The following PIP4K2A variants were observed in gnomAD, a reference collection of about 807,000 sequenced individuals.
PIP4K2A encodes phosphatidylinositol-5-phosphate 4-kinase type 2 alpha.
Under a neutral mutation model 42.9 loss-of-function variants are expected in PIP4K2A, and 14 were observed. The observed-to-expected ratio is 0.33, with a 90% CI of 0.22 to 0.51. The LOEUF (loss-of-function observed/expected upper bound fraction) is 0.51. Ranked by LOEUF, PIP4K2A falls within the 20% of genes least tolerant of loss-of-function variation. The probability of loss-of-function intolerance (pLI) is 0.97; values close to 1 mark genes in which losing one functional copy is unlikely to be tolerated. For missense variants in PIP4K2A, 434 were observed against 519.8 expected (o/e 0.83, Z 1.61); for synonymous variants, 192 against 192.2 (o/e 1.00, Z 0.01).
At chr10:22,601,141 A>AAC (rs1837760066) in intron 3 of PIP4K2A, among the ~76,000 whole-genome samples, 1 of 125,606 alleles carries the variant, frequency 8.0e-6, no homozygotes, top group Non-Finnish European at 1.7e-5. Context: ...AAAAAAAAAA[A>AAC]AAAAAAAAAA....
At chr10:22,608,706 T>C (rs1373390322) in intron 2 of PIP4K2A, among the ~76,000 whole-genome samples, 1 of 151,980 alleles carries the variant, frequency 6.6e-6, no homozygotes, top group African/African-American at 2.4e-5. Context: ...ACCCCTGTCT[T>C]TACAAAAAGT....
At chr10:22,601,120 G>A (rs1467923517) in intron 3 of PIP4K2A, among the ~76,000 whole-genome samples, 1 of 96,326 alleles carries the variant, frequency 1.0e-5, no homozygotes, top group Non-Finnish European at 2.0e-5. Flanking sequence ...GCAACAGAGC[G>A]AGACTGTCTC....
intron 1 of PIP4K2A, among the ~76,000 whole-genome samples, chr10:22,642,401 G>A (rs1370102096): frequency 1.3e-5 from 2 of 151,930 alleles, no homozygotes; most frequent in African/African-American, 4.8e-5. Flanking sequence ...AGGATAGGCT[G>A]GAAAAATCAA....
chr10:22,564,303 C>T (rs1420183084), intron 6 of PIP4K2A, among the ~76,000 whole-genome samples: 1 of 152,168 alleles, frequency 6.6e-6, no homozygotes, highest in African/African-American at 2.4e-5. Flanking sequence ...TGTAACTGTC[C>T]TTGTTGGCAG....
chr10:22,645,377 C>G (rs527949328), intron 1 of PIP4K2A, among the ~76,000 whole-genome samples: 4 of 152,076 alleles, frequency 2.6e-5, no homozygotes, highest in African/African-American at 9.6e-5. Flanking sequence ...GAGACCCTGT[C>G]TCTACAAAAC....
intron 8 of PIP4K2A, among the ~76,000 whole-genome samples, 159 bp from the exon 9 acceptor site, chr10:22,540,233 G>A (rs908884305): frequency 1.3e-4 from 20 of 152,018 alleles, no homozygotes; most frequent in African/African-American, 3.4e-4. Context: ...CCACCCCTGC[G>A]GATCCTGACT....
chr10:22,709,122 A>G lies in PIP4K2A; in HGVS notation c.144+5061T>C, dbSNP rs200483904. Among the ~76,000 whole-genome samples the G allele has an allele frequency of 5.7e-5, 8 of 140,988 alleles. No individual in the cohort carries two copies. The South Asian group carries it at 6.3e-4, about 11-fold the overall frequency. 92.5% of individuals were successfully genotyped at this position (140,988 alleles called of 152,430 possible). ...TTTAGCAGACTTTTTTTTTTTTTTT[A>G]AAAGTCCCCGATTGATAAACACCTT... is the stretch of plus-strand genomic sequence containing the variant. On this transcript the variant is annotated intron_variant, in intron 1 of 9. Transcript: ENST00000376573.
In PIP4K2A at chr10:22,540,016, A is replaced by T; in HGVS notation, c.1095T>A (p.Asp365Glu). ...CAGCATGGGCAGCTTTCTTTTTTGC[A>T]TCATAATGAGTAAGGATGTCAATAA... is the stretch of plus-strand genomic sequence containing the variant. Reference protein sequence around the residue: ...MAIIDILTHYDAKKKAAHAAK... With the variant: ...MAIIDILTHYEAKKKAAHAAK... The change falls in exon 9 of 10, where the codon GAT becomes GAA. Residue 365 changes from aspartate (D) to glutamate (E), a missense_variant. Asp to Glu is a conservative substitution (Grantham distance 45). Transcript: ENST00000376573. 6.2e-7 allele frequency: 1 copy of T among 1,613,262 alleles called. No individual in the cohort carries two copies. The highest frequency in any genetic ancestry group is 8.5e-7 in the Non-Finnish European group (1 of 1,179,240).
chr10:22,559,211 A>G lies in PIP4K2A; in HGVS notation c.679-8439T>C, dbSNP rs533560517. Among the ~76,000 whole-genome samples, 3 of 152,340 alleles carry G rather than the reference A, an allele frequency of 2.0e-5. No homozygotes were observed. In the East Asian group the frequency reaches 5.8e-4, roughly 29 times the overall value. Reference sequence around the variant, plus strand: ...CCATGTTAAAGATCATTATTTAATTAAGAATTACACATCTGTAGCAGCTTG... The same window carrying G: ...CCATGTTAAAGATCATTATTTAATTGAGAATTACACATCTGTAGCAGCTTG... On this transcript the variant is annotated intron_variant, in intron 6 of 9. Transcript: ENST00000376573.
In PIP4K2A at chr10:22,688,386, C is replaced by A. The variant is rs114927131; in HGVS notation, c.144+25797G>T. On this transcript the variant is annotated intron_variant, in intron 1 of 9. Coordinates refer to ENST00000376573, the MANE Select transcript of PIP4K2A (RefSeq NM_005028.5). Reference sequence around the variant, plus strand: ...AGTTAAGAACCATTTACAGAATTTCCTTACGTGGTTCTTTGATAGTAGTGA... The same window carrying A: ...AGTTAAGAACCATTTACAGAATTTCATTACGTGGTTCTTTGATAGTAGTGA... 1.6e-3 allele frequency among the ~76,000 whole-genome samples: 251 copies of A among 152,310 alleles called. 2 individuals are homozygous for A. Among genetic ancestry groups the A allele is most frequent in the African/African-American group, 5.8e-3 (241 of 41,564 alleles).
rs565482677 is a variant in PIP4K2A, at chr10:22,623,844, T to G, written c.145-14127A>C. On this transcript the variant is annotated intron_variant, in intron 1 of 9. Transcript: ENST00000376573. ...AGAAGCCACGTGGCAGGCCTAAGAC[T>G]GAGCCCTGAGCTCCCAGGGTTCTCG... Among the ~76,000 whole-genome samples the G allele has an allele frequency of 7.9e-5, 12 of 152,346 alleles. No individual in the cohort carries two copies. The South Asian group carries it at 2.5e-3, about 32-fold the overall frequency.
At chr10:22,628,408 G>A (rs1020838824) in intron 1 of PIP4K2A, among the ~76,000 whole-genome samples, 4 of 152,130 alleles carry the variant, frequency 2.6e-5, no homozygotes, top group African/African-American at 9.7e-5. Flanking sequence ...AGAAAAAATT[G>A]TACCCTAAAT....
chr10:22,596,033 C>G (rs1268986521), intron 3 of PIP4K2A, among the ~76,000 whole-genome samples: 1 of 151,364 alleles, frequency 6.6e-6, no homozygotes, highest in East Asian at 2.0e-4. Flanking sequence ...TGGAGAAGCC[C>G]CGTCTCTACT....
At chr10:22,546,994 C>T (rs10828315) in intron 7 of PIP4K2A, among the ~76,000 whole-genome samples, 2 of 151,970 alleles carry the variant, frequency 1.3e-5, no homozygotes, top group African/African-American at 2.4e-5. Context: ...CTGGACCTCA[C>T]ATCTGCCTCT....
intron 1 of PIP4K2A, among the ~76,000 whole-genome samples, chr10:22,662,717 T>C (rs1475863771): frequency 6.6e-6 from 1 of 151,932 alleles, no homozygotes; most frequent in African/African-American, 2.4e-5. Context: ...AATGGAGAAA[T>C]ATATTAGCAC....
intron 1 of PIP4K2A, among the ~76,000 whole-genome samples, chr10:22,713,549 G>A (rs567173074): frequency 6.6e-6 from 1 of 152,362 alleles, no homozygotes; most frequent in East Asian, 1.9e-4. Context: ...CGACGCCAGA[G>A]CCATATTTAC....
chr10:22,615,266 T>C (rs1203900699), intron 1 of PIP4K2A, among the ~76,000 whole-genome samples: 1 of 152,144 alleles, frequency 6.6e-6, no homozygotes, highest in Non-Finnish European at 1.5e-5. Flanking sequence ...CCACCATGCA[T>C]GGCTAATTTT....
At chr10:22,612,209 C>T (rs917908306) in intron 1 of PIP4K2A, among the ~76,000 whole-genome samples, 2 of 152,358 alleles carry the variant, frequency 1.3e-5, no homozygotes, top group South Asian at 4.1e-4. Flanking sequence ...AGCTCGGACA[C>T]CAGTCTTTGT....
chr10:22,547,604 T>C (rs1836288581), intron 7 of PIP4K2A, among the ~76,000 whole-genome samples: 1 of 152,148 alleles, frequency 6.6e-6, no homozygotes, highest in Non-Finnish European at 1.5e-5. Context: ...CCCATCTCCA[T>C]GGATGGGGGG....
Sources: allele counts gnomAD v4.1 joint callset (sites outside exome capture counted in the v4.1 genomes callset), GRCh38; gene constraint gnomAD v4.1.1; transcripts MANE v1.5; gene names NCBI Gene and HGNC (gene_info 2026-07-23, HGNC 2026-07-21).